Variants in CCSER2 observed in about 807,000 individuals in gnomAD.
CCSER2 encodes coiled-coil serine rich protein 2.
Under a neutral mutation model 92.3 loss-of-function variants are expected in CCSER2, and 46 were observed. The observed-to-expected ratio is 0.50, with a 90% CI of 0.39 to 0.64. The LOEUF (loss-of-function observed/expected upper bound fraction) is 0.64, where lower values mean the gene tolerates loss of function less well. CCSER2 is among the 30% of genes least tolerant of loss of function. The probability of loss-of-function intolerance (pLI) is 0.00; values close to 1 mark genes in which losing one functional copy is unlikely to be tolerated. For synonymous variants in CCSER2, 433 were observed against 431.4 expected, an observed-to-expected ratio of 1.00 and a Z score of -0.04; for missense variants, 1,244 against 1,238.9, an observed-to-expected ratio of 1.00 and a Z score of -0.06.
chr10:84,417,587 A>T (rs1162462968), intron 3 of CCSER2, among the ~76,000 whole-genome samples, 184 bp from the exon 4 acceptor site: 6 of 152,262 alleles, frequency 3.9e-5, no homozygotes, highest in Non-Finnish European at 8.8e-5. Flanking sequence ...GAAGGATGTT[A>T]GAAATAGCTT....
chr10:84,454,930 C>G (rs1228618892), intron 6 of CCSER2: 1 of 152,312 alleles, frequency 6.6e-6, no homozygotes, highest in Non-Finnish European at 1.5e-5. Flanking sequence ...TGGGATGGAC[C>G]TGGTGAGAGG....
chr10:84,434,591 T>A (rs1843992235), intron 5 of CCSER2, among the ~76,000 whole-genome samples: 1 of 152,218 alleles, frequency 6.6e-6, no homozygotes, highest in Non-Finnish European at 1.5e-5. Flanking sequence ...GGGTATATTG[T>A]TGTTCATTGT....
At chr10:84,358,651 TA>T (rs1397883548) in intron 1 of CCSER2, among the ~76,000 whole-genome samples, 1 of 147,746 alleles carries the variant, frequency 6.8e-6, no homozygotes, top group African/African-American at 2.5e-5. Flanking sequence ...TATATGTGTA[TA>T]TATATATACA....
Position 84,378,274 on chromosome 10 carries a change from T to G in CCSER2, c.1614+4459T>G, listed in dbSNP as rs554850092. On this transcript the variant is annotated intron_variant, in intron 3 of 9. Coordinates refer to ENST00000372088, the MANE Select transcript of CCSER2 (RefSeq NM_001284240.2). ...GTCTGTTGAGATAATGAAGTTTTTT[T>G]TGTGTTAGTGTGGTAGATTGCATGG... Among the ~76,000 whole-genome samples, 5 of 152,024 alleles carry G rather than the reference T, an allele frequency of 3.3e-5. No homozygotes were observed. The South Asian group carries it at 1.0e-3, about 32-fold the overall frequency.
chr10:84,338,303 A>C (rs1012784846), intron 1 of CCSER2, among the ~76,000 whole-genome samples: 6 of 33,740 alleles, frequency 1.8e-4, no homozygotes, highest in African/African-American at 2.6e-4. Flanking sequence ...AAAAAAAAAA[A>C]AACAAAAAAA....
At chr10:84,481,880 T>C (rs1847478845) in intron 9 of CCSER2, among the ~76,000 whole-genome samples, 1 of 152,186 alleles carries the variant, frequency 6.6e-6, no homozygotes, top group African/African-American at 2.4e-5. Context: ...GGCACAGTCC[T>C]ATACAACTTT....
chr10:84,437,739 G>A (rs978603789), intron 5 of CCSER2, among the ~76,000 whole-genome samples: 4 of 132,872 alleles, frequency 3.0e-5, no homozygotes, highest in Non-Finnish European at 6.3e-5. Context: ...TTGAGACGGA[G>A]TCTCACTCTG....
intron 3 of CCSER2, among the ~76,000 whole-genome samples, chr10:84,386,887 G>C (rs966646028): frequency 2.4e-4 from 36 of 152,134 alleles, no homozygotes; most frequent in African/African-American, 8.5e-4. Flanking sequence ...TAAACAGTGG[G>C]TACACATGGA....
In CCSER2 at chr10:84,515,549, C is replaced by A. The variant is rs1849569549; in HGVS notation, c.*1282C>A. ...TTCTGCCTCCCGGGTTCAAGCGATT[C>A]TCCTGCCTCAGCCTCCTGAGTAGCT... On this transcript the variant is annotated 3_prime_UTR_variant, in exon 10 of 10. Transcript: ENST00000372088. 1 of 152,282 alleles carries A rather than the reference C, an allele frequency of 6.6e-6. No individual in the cohort carries two copies. The highest frequency in any genetic ancestry group is 2.4e-5 in the African/African-American group (1 of 41,424). 9.4% of individuals were successfully genotyped at this position (152,282 alleles called of 1,614,324 possible). A position where few individuals can be genotyped will look rare whatever the true frequency, so the allele number is the denominator to read the frequency against.
In CCSER2 at chr10:84,388,142, G is replaced by A. The variant is rs200364284; in HGVS notation, c.1614+14327G>A. Among the ~76,000 whole-genome samples, 20 of 152,284 alleles carry A rather than the reference G, an allele frequency of 1.3e-4. No individual in the cohort carries two copies. In the East Asian group the frequency reaches 3.5e-3, roughly 26 times the overall value. On this transcript the variant is annotated intron_variant, in intron 3 of 9. Coordinates refer to ENST00000372088, the MANE Select transcript of CCSER2 (RefSeq NM_001284240.2). ...CCTCCCAAAGTGCTGGGATTACAGC[G>A]CTCCTGGCCTGGGCTTTTCTTCAGT...
At chr10:84,364,985 A>G (rs1452129955) in intron 1 of CCSER2, among the ~76,000 whole-genome samples, 3 of 152,094 alleles carry the variant, frequency 2.0e-5, no homozygotes, top group Admixed American at 6.5e-5. Flanking sequence ...CAGGTGATCT[A>G]CATGCTTCAG....
At chr10:84,428,245 G>T (rs1478777687) in intron 5 of CCSER2, among the ~76,000 whole-genome samples, 1 of 152,172 alleles carries the variant, frequency 6.6e-6, no homozygotes, top group Non-Finnish European at 1.5e-5. Flanking sequence ...GGATGGTTTT[G>T]GGATTGGGAT....
chr10:84,508,219 C>T (rs10887312), intron 9 of CCSER2, among the ~76,000 whole-genome samples: 53,462 of 152,030 alleles, frequency 0.35, 11,244 homozygotes, highest in Non-Finnish European at 0.47. Context: ...CAGTATGTTT[C>T]ACCTAGGGGT....
At position 84,518,497 on chromosome 10, in the gene CCSER2, A is replaced by G. The variant is rs1267015498; in HGVS notation, c.*4230A>G. 6.6e-6 allele frequency: 1 copy of G among 152,662 alleles called. No homozygotes were observed. The highest frequency in any genetic ancestry group is 1.5e-5 in the Non-Finnish European group (1 of 68,038). 9.5% of individuals were successfully genotyped at this position (152,662 alleles called of 1,614,324 possible). A position where few individuals can be genotyped will look rare whatever the true frequency, so the allele number is the denominator to read the frequency against. ...GAAAATGTTGGCATAGTAAATAAAA[A>G]TAAAGTTCATAATTATAAAAGTTCT... is the stretch of plus-strand genomic sequence containing the variant. On this transcript the variant is annotated 3_prime_UTR_variant, in exon 10 of 10. Transcript: ENST00000372088.
chr10:84,400,643 G>A (rs1483322927), intron 3 of CCSER2, among the ~76,000 whole-genome samples: 1 of 152,228 alleles, frequency 6.6e-6, no homozygotes, highest in Non-Finnish European at 1.5e-5. Flanking sequence ...ACCAGGCACA[G>A]TGGTGCATGC....
intron 6 of CCSER2, among the ~76,000 whole-genome samples, chr10:84,448,199 G>A (rs1845048592): frequency 1.3e-5 from 2 of 152,030 alleles, no homozygotes; most frequent in African/African-American, 4.8e-5. Flanking sequence ...ACCTGGCATT[G>A]AGCCCTTTAC....
At chr10:84,413,712 C>T (rs968409022) in intron 3 of CCSER2, among the ~76,000 whole-genome samples, 4 of 152,098 alleles carry the variant, frequency 2.6e-5, no homozygotes, top group African/African-American at 7.2e-5. Context: ...AAATTTCTGT[C>T]CTGATGATCT....
chr10:84,388,547 A>T (rs1841349694), intron 3 of CCSER2, among the ~76,000 whole-genome samples: 1 of 151,928 alleles, frequency 6.6e-6, no homozygotes, highest in African/African-American at 2.4e-5. Context: ...AGTACAAATG[A>T]CTCCCTCCCA....
chr10:84,504,373 A>G (rs1589833226), intron 9 of CCSER2, among the ~76,000 whole-genome samples: 1 of 149,946 alleles, frequency 6.7e-6, no homozygotes, highest in Non-Finnish European at 1.5e-5. Flanking sequence ...AAAAATGTTT[A>G]TTGTTGAATA....
Sources: allele counts gnomAD v4.1 joint callset (sites outside exome capture counted in the v4.1 genomes callset), GRCh38; gene constraint gnomAD v4.1.1; transcripts MANE v1.5; gene names NCBI Gene and HGNC (gene_info 2026-07-23, HGNC 2026-07-21).